PRDM5: variants seen among roughly 807,000 people sequenced by gnomAD.
PRDM5 encodes the protein PR domain zinc finger protein 5.
Under a neutral mutation model 81.2 loss-of-function variants are expected in PRDM5, and 56 were observed. The observed-to-expected ratio is 0.69, with a 90% CI of 0.56 to 0.86. The LOEUF (loss-of-function observed/expected upper bound fraction) is 0.86, where lower values mean the gene tolerates loss of function less well. Ranked by LOEUF, PRDM5 falls within the 40% of genes least tolerant of loss-of-function variation. PRDM5 has a pLI of 0.00. For synonymous variants in PRDM5, 267 were observed against 256.4 expected, an observed-to-expected ratio of 1.04 and a Z score of -0.39; for missense variants, 697 against 770.1, an observed-to-expected ratio of 0.91 and a Z score of 1.12.
intron 13 of PRDM5, among the ~76,000 whole-genome samples, chr4:120,770,865 A>C (rs1747177199): frequency 6.6e-6 from 1 of 152,174 alleles, no homozygotes; most frequent in South Asian, 2.1e-4. Context: ...TTATTATAAA[A>C]ATTAGAAAAC....
At chr4:120,710,240 TAC>T (rs34444497) in intron 15 of PRDM5, 67 bp downstream of exon 15, 51,634 of 905,126 alleles carry the variant, frequency 0.057, 1,008 homozygotes, top group African/African-American at 0.14. Flanking sequence ...CACACACACA[TAC>T]ACACACACAC....
At chr4:120,853,202 CTCAGGAAT>C (rs1157462560) in intron 3 of PRDM5, among the ~76,000 whole-genome samples, 2 of 152,182 alleles carry the variant, frequency 1.3e-5, no homozygotes, top group African/African-American at 2.4e-5. Context: ...AATTCATTCC[CTCAGGAAT>C]TCTCATAAAG....
chr4:120,886,738 A>G (rs912459704), intron 2 of PRDM5, among the ~76,000 whole-genome samples: 5 of 152,172 alleles, frequency 3.3e-5, no homozygotes, highest in Admixed American at 2.6e-4. Context: ...TATGTTCTAG[A>G]TACTCTGCAA....
At chr4:120,824,362 T>C (rs1755683740) in intron 3 of PRDM5, among the ~76,000 whole-genome samples, 1 of 152,318 alleles carries the variant, frequency 6.6e-6, no homozygotes, top group Admixed American at 6.5e-5. Flanking sequence ...CAGTCCCTCC[T>C]GGACGCCTTG....
intron 2 of PRDM5, among the ~76,000 whole-genome samples, chr4:120,854,394 GGAGT>G (rs1453913963): frequency 3.9e-5 from 6 of 152,086 alleles, no homozygotes; most frequent in African/African-American, 1.4e-4. Flanking sequence ...AAAAAGGAAA[GGAGT>G]GAGTGATTAG....
chr4:120,850,887 T>C (rs2149413689), intron 3 of PRDM5, among the ~76,000 whole-genome samples: 1 of 152,230 alleles, frequency 6.6e-6, no homozygotes, highest in South Asian at 2.1e-4. Context: ...GACAATGTGA[T>C]TACTGAAAAT....
At chr4:120,857,708 C>T (rs1432588866) in intron 2 of PRDM5, among the ~76,000 whole-genome samples, 4 of 152,040 alleles carry the variant, frequency 2.6e-5, no homozygotes, top group Non-Finnish European at 4.4e-5. Flanking sequence ...AAAACCCTAA[C>T]GTGTAAATGA....
chr4:120,741,502 T>G (rs1741947737), intron 14 of PRDM5, among the ~76,000 whole-genome samples: 1 of 151,566 alleles, frequency 6.6e-6, no homozygotes, highest in South Asian at 2.1e-4. Flanking sequence ...TTACTGCATT[T>G]CCATCTGAGG....
At chr4:120,817,003 C>A in intron 5 of PRDM5, 79 bp from the exon 6 acceptor site, 1 of 1,146,796 alleles carries the variant, frequency 8.7e-7, no homozygotes, top group Non-Finnish European at 1.3e-6. Flanking sequence ...TACACTAACT[C>A]TGAATAAAGT....
chr4:120,750,842 G>A (rs1743901348), intron 14 of PRDM5, among the ~76,000 whole-genome samples: 1 of 152,018 alleles, frequency 6.6e-6, no homozygotes, highest in South Asian at 2.1e-4. Context: ...AGATGGCCCT[G>A]ATGGTGGAAA....
chr4:120,754,512 G>A (rs370968504), intron 14 of PRDM5, 41 bp downstream of exon 14: 2 of 1,363,390 alleles, frequency 1.5e-6, no homozygotes, highest in Non-Finnish European at 2.1e-6. Context: ...AATAAGTATG[G>A]TTTTCATGAT....
chr4:120,766,898 C>A (rs555149754), intron 13 of PRDM5, among the ~76,000 whole-genome samples: 2 of 152,210 alleles, frequency 1.3e-5, no homozygotes, highest in East Asian at 3.9e-4. Flanking sequence ...CCAAACTGTG[C>A]AGAATGAATG....
intron 2 of PRDM5, among the ~76,000 whole-genome samples, chr4:120,890,255 AAG>A (rs1763896764): frequency 6.6e-6 from 1 of 152,178 alleles, no homozygotes; most frequent in African/African-American, 2.4e-5. Flanking sequence ...CAGCAGGAGC[AAG>A]AGAGAGTAGG....
chr4:120,732,922 C>T (rs1226507080), intron 14 of PRDM5, among the ~76,000 whole-genome samples: 1 of 152,204 alleles, frequency 6.6e-6, no homozygotes. Context: ...CTAGACTGCA[C>T]TCAAAATAGG....
intron 13 of PRDM5, among the ~76,000 whole-genome samples, chr4:120,769,811 A>G (rs1746972942): frequency 6.6e-6 from 1 of 152,188 alleles, no homozygotes; most frequent in Non-Finnish European, 1.5e-5. Flanking sequence ...AGTATAACTG[A>G]AAGAAAACAA....
intron 3 of PRDM5, chr4:120,837,285 A>T (rs1294667464): frequency 2.0e-5 from 3 of 152,228 alleles, no homozygotes; most frequent in African/African-American, 7.2e-5. Flanking sequence ...ACTCCATTTG[A>T]AATCTCATTT....
chr4:120,822,526 A>G (rs1755416421), intron 3 of PRDM5, among the ~76,000 whole-genome samples: 1 of 152,154 alleles, frequency 6.6e-6, no homozygotes, highest in Admixed American at 6.5e-5. Flanking sequence ...AGAGGGGAGG[A>G]AGGAGAGTGT....
chr4:120,911,156 T>C (rs929808456), intron 1 of PRDM5, among the ~76,000 whole-genome samples: 1 of 152,140 alleles, frequency 6.6e-6, no homozygotes, highest in Non-Finnish European at 1.5e-5. Flanking sequence ...GGAGGTAAGG[T>C]GGAAAGAGCA....
chr4:120,704,864 C>A (rs1291542109), intron 15 of PRDM5, among the ~76,000 whole-genome samples: 2 of 152,084 alleles, frequency 1.3e-5, no homozygotes, highest in Non-Finnish European at 2.9e-5. Context: ...GTTACAGGTA[C>A]TGTGAGCGTG....
Sources: gnomAD v4.1 joint callset for allele counts (sites outside exome capture counted in the v4.1 genomes callset) on GRCh38, gnomAD v4.1.1 for gene constraint, MANE v1.5 for transcripts, NCBI Gene and HGNC (gene_info 2026-07-23, HGNC 2026-07-21) for gene names.